The following SNRPD1 variants were observed in gnomAD, a reference collection of about 807,000 sequenced individuals.
The protein encoded by SNRPD1 is small nuclear ribonucleoprotein Sm D1.
SNRPD1 carries 1 observed loss-of-function variant against 14.4 expected under a neutral mutation model. The ratio of observed to expected loss-of-function variants is 0.07; its 90% CI spans 0.02 to 0.33. SNRPD1 has a LOEUF of 0.33. SNRPD1 is among the 10% of genes least tolerant of loss of function. The pLI, the probability that SNRPD1 is intolerant of heterozygous loss-of-function variation, is 1.00. For synonymous variants in SNRPD1, 42 were observed against 50.3 expected, an observed-to-expected ratio of 0.83 and a Z score of 0.70; for missense variants, 52 against 146.4, an observed-to-expected ratio of 0.36 and a Z score of 3.33.
rs1415425301 is a variant in SNRPD1, at chr18:21,632,218, T to C, written c.*3080T>C. ...GCTCATGCCTGTGACCTCAGCACTT[T>C]GGGAGGCCGAGATGGGCGAATCACT... On this transcript the variant is annotated 3_prime_UTR_variant, in exon 4 of 4. Coordinates refer to ENST00000300413, the MANE Select transcript of SNRPD1 (RefSeq NM_006938.4). The C allele has an allele frequency of 1.3e-5, 2 of 152,154 alleles. No homozygotes were observed. The highest frequency in any genetic ancestry group is 2.4e-5 in the African/African-American group (1 of 41,444). 9.4% of individuals were successfully genotyped at this position (152,154 alleles called of 1,614,324 possible).
chr18:21,622,693 A>G, intron 1 of SNRPD1, 32 bp from the exon 2 acceptor site: 2 of 1,000,042 alleles, frequency 2.0e-6, no homozygotes, highest in East Asian at 2.4e-5. Context: ...TTAAAGTGTT[A>G]CAGGTAAAAA....
Position 21,629,231 on chromosome 18 carries a change from G to T in SNRPD1, c.*93G>T. On this transcript the variant is annotated 3_prime_UTR_variant, in exon 4 of 4. Transcript: ENST00000300413. Reference sequence around the variant, plus strand: ...TCAGTTTTTAATAAACATAAATGTGGGACAGAGCTGTCTATTTAGTATATC... The same window carrying T: ...TCAGTTTTTAATAAACATAAATGTGTGACAGAGCTGTCTATTTAGTATATC... 2 of 939,436 alleles carry T rather than the reference G, an allele frequency of 2.1e-6. No homozygotes were observed. Among genetic ancestry groups the T allele is most frequent in the Non-Finnish European group, 3.5e-6 (2 of 572,968 alleles). 58.2% of individuals were successfully genotyped at this position (939,436 alleles called of 1,614,324 possible). A position where few individuals can be genotyped will look rare whatever the true frequency, so the allele number is the denominator to read the frequency against.
At position 21,629,834 on chromosome 18, in the gene SNRPD1, T is replaced by C. The variant is rs1172723213; in HGVS notation, c.*696T>C. 6.6e-6 allele frequency: 1 copy of C among 152,222 alleles called. No individual in the cohort carries two copies. The highest frequency in any genetic ancestry group is 1.5e-5 in the Non-Finnish European group (1 of 68,046). 9.4% of individuals were successfully genotyped at this position (152,222 alleles called of 1,614,324 possible). ...CACATGCACTGAATATGCATTTTAT[T>C]GCTTTACTCTTCATTCTGTGGCACC... On this transcript the variant is annotated 3_prime_UTR_variant, in exon 4 of 4. Transcript: ENST00000300413.
intron 1 of SNRPD1, among the ~76,000 whole-genome samples, chr18:21,618,749 G>C (rs955171659): frequency 1.3e-5 from 2 of 151,970 alleles, no homozygotes; most frequent in African/African-American, 4.8e-5. Context: ...TTTGAGGCTT[G>C]TTATATCCCA....
intron 1 of SNRPD1, among the ~76,000 whole-genome samples, chr18:21,612,733 T>G (rs1407066041): frequency 1.3e-5 from 2 of 152,396 alleles, no homozygotes; most frequent in African/African-American, 2.4e-5. Flanking sequence ...ATCTCCCTCT[T>G]ACAGTTACTC....
rs1457367115 is a variant in SNRPD1 at position 21,630,336 on chromosome 18, A to G, written c.*1198A>G. 1.3e-5 allele frequency: 2 copies of G among 152,318 alleles called. No homozygotes were observed. Among genetic ancestry groups the G allele is most frequent in the Non-Finnish European group, 2.9e-5 (2 of 68,024 alleles). The allele number at this position is 152,318 out of a possible 1,614,324, so 9.4% of individuals were successfully genotyped here. A position where few individuals can be genotyped will look rare whatever the true frequency, so the allele number is the denominator to read the frequency against. ...GTCTCTCAGTGCATCAGTTCTTTGT[A>G]AAGCTTACTACGAAGTATTTATATG... On this transcript the variant is annotated 3_prime_UTR_variant, in exon 4 of 4. Coordinates refer to ENST00000300413, the MANE Select transcript of SNRPD1 (RefSeq NM_006938.4).
chr18:21,612,419 G>A lies in SNRPD1; in HGVS notation c.-11G>A. The A allele has an allele frequency of 6.4e-7, 1 of 1,552,638 alleles. No homozygotes were observed. On this transcript the variant is annotated 5_prime_UTR_variant, in exon 1 of 4. Transcript: ENST00000300413. ...GTGCTGTCGGACCCAGAGGGTGACG[G>A]CGCCGCTAGGATGAAGCTCGTGAGG...
intron 2 of SNRPD1, 42 bp downstream of exon 2, chr18:21,622,843 C>T (rs1214265937): frequency 1.1e-6 from 1 of 948,896 alleles, no homozygotes; most frequent in Non-Finnish European, 1.7e-6. Flanking sequence ...TTTTTCTTCT[C>T]TTTTACCTAG....
At chr18:21,612,782 A>T (rs565647595) in intron 1 of SNRPD1, among the ~76,000 whole-genome samples, 1 of 152,280 alleles carries the variant, frequency 6.6e-6, no homozygotes, top group Admixed American at 6.5e-5. Context: ...CCTGCTTAAC[A>T]GTACTTAGAA....
rs1361552214 is a variant in SNRPD1 at position 21,629,617 on chromosome 18, A to G, written c.*479A>G. Reference sequence around the variant, plus strand: ...AGTTCAGCGTTTGCCTTATTTGAATATGGTTTGAACAGTTCGCTGTCTTTG... The same window carrying G: ...AGTTCAGCGTTTGCCTTATTTGAATGTGGTTTGAACAGTTCGCTGTCTTTG... On this transcript the variant is annotated 3_prime_UTR_variant, in exon 4 of 4. Coordinates refer to ENST00000300413, the MANE Select transcript of SNRPD1 (RefSeq NM_006938.4). 1 of 158,520 alleles carries G rather than the reference A, an allele frequency of 6.3e-6. No individual in the cohort carries two copies. The highest frequency in any genetic ancestry group is 2.4e-5 in the African/African-American group (1 of 41,482). 9.8% of individuals were successfully genotyped at this position (158,520 alleles called of 1,614,324 possible).
chr18:21,626,835 A>T lies in SNRPD1; in HGVS notation c.284-2227A>T, dbSNP rs182425466. Among the ~76,000 whole-genome samples the T allele has an allele frequency of 7.9e-5, 12 of 151,928 alleles. No individual in the cohort carries two copies. The East Asian group carries it at 2.3e-3, about 29-fold the overall frequency. On this transcript the variant is annotated intron_variant, in intron 3 of 3. Coordinates refer to ENST00000300413, the MANE Select transcript of SNRPD1 (RefSeq NM_006938.4). ...TTTGTTGTTTGTTTGGTAAGAGACA[A>T]GATCTCACTGTGTTGCTCAGGCTGC...
chr18:21,624,055 A>G lies in SNRPD1; in HGVS notation c.283+116A>G, dbSNP rs762189476. 4.0e-4 allele frequency: 267 copies of G among 665,946 alleles called. 1 individual carries two copies. Among genetic ancestry groups the G allele is most frequent in the Non-Finnish European group, 1.1e-4 (43 of 389,042 alleles). The allele number at this position is 665,946 out of a possible 1,614,324, so 41.3% of individuals were successfully genotyped here. On this transcript the variant is annotated intron_variant, in intron 3 of 3. Transcript: ENST00000300413. ...GTCTTTGTTGTTTAATATTTCCTATAGTATGTATAGTAATTCTTGGTGTTG... is the reference window on the plus strand; with the variant it reads ...GTCTTTGTTGTTTAATATTTCCTATGGTATGTATAGTAATTCTTGGTGTTG...
At chr18:21,624,853 GGTA>G (rs1265937828) in intron 3 of SNRPD1, among the ~76,000 whole-genome samples, 1 of 151,966 alleles carries the variant, frequency 6.6e-6, no homozygotes, top group Non-Finnish European at 1.5e-5. Flanking sequence ...TTCATAAAAT[GGTA>G]GTAGTGTTTC....
intron 1 of SNRPD1, among the ~76,000 whole-genome samples, chr18:21,618,243 C>A (rs531499009): frequency 7.3e-5 from 11 of 151,442 alleles, no homozygotes; most frequent in Non-Finnish European, 1.2e-4. Context: ...GGCAACATGG[C>A]AAAACCACAT....
At chr18:21,617,214 C>T (rs905501337) in intron 1 of SNRPD1, among the ~76,000 whole-genome samples, 7 of 151,764 alleles carry the variant, frequency 4.6e-5, no homozygotes, top group African/African-American at 1.5e-4. Context: ...CAGCACTTTT[C>T]GGAATCCAAG....
rs955796007 is a variant in SNRPD1 at position 21,631,430 on chromosome 18, T to C, written c.*2292T>C. 2.6e-5 allele frequency: 2 copies of C among 75,998 alleles called. No individual in the cohort carries two copies. The highest frequency in any genetic ancestry group is 4.4e-5 in the Non-Finnish European group (2 of 45,468). 4.7% of individuals were successfully genotyped at this position (75,998 alleles called of 1,614,324 possible). On this transcript the variant is annotated 3_prime_UTR_variant, in exon 4 of 4. Coordinates refer to ENST00000300413, the MANE Select transcript of SNRPD1 (RefSeq NM_006938.4). Reference sequence around the variant, plus strand: ...AATATGTAATTTTTCTCCACACGTTTTTTTTTTTTTTTTTTTTTTTTTTCT... The same window carrying C: ...AATATGTAATTTTTCTCCACACGTTCTTTTTTTTTTTTTTTTTTTTTTTCT...
intron 2 of SNRPD1, among the ~76,000 whole-genome samples, 179 bp from the exon 3 acceptor site, chr18:21,623,569 A>G (rs1342936521): frequency 6.6e-6 from 1 of 152,226 alleles, no homozygotes; most frequent in Non-Finnish European, 1.5e-5. Flanking sequence ...TAGGAAGGAA[A>G]CACTGCTGAC....
At position 21,612,332 on chromosome 18, in the gene SNRPD1, T is replaced by G. The variant is rs978701212; in HGVS notation, c.-98T>G. ...GCGCGCTCTTGACGTCCGGAGCCCC[T>G]GGAGTAGGCGCTTCCGGCCATTCAT... On this transcript the variant is annotated 5_prime_UTR_variant, in exon 1 of 4. Coordinates refer to ENST00000300413, the MANE Select transcript of SNRPD1 (RefSeq NM_006938.4). The G allele has an allele frequency of 6.7e-6, 6 of 898,148 alleles. No individual in the cohort carries two copies. Among genetic ancestry groups the G allele is most frequent in the Non-Finnish European group, 9.9e-6 (6 of 608,272 alleles). The allele number at this position is 898,148 out of a possible 1,614,324, so 55.6% of individuals were successfully genotyped here. A position where few individuals can be genotyped will look rare whatever the true frequency, so the allele number is the denominator to read the frequency against.
Position 21,631,398 on chromosome 18 carries a change from T to TA in SNRPD1, c.*2261dup, listed in dbSNP as rs1036405312. On this transcript the variant is annotated 3_prime_UTR_variant, in exon 4 of 4. Coordinates refer to ENST00000300413, the MANE Select transcript of SNRPD1 (RefSeq NM_006938.4). ...TTAAAGGTGAGTTGGCTTGACAAGA[T>TA]ACAACCAATATGTAATTTTTCTCCA... 7.0e-5 allele frequency: 10 copies of TA among 143,776 alleles called. No homozygotes were observed. Among genetic ancestry groups the TA allele is most frequent in the African/African-American group, 2.3e-4 (9 of 38,722 alleles). The allele number at this position is 143,776 out of a possible 1,614,324, so 8.9% of individuals were successfully genotyped here.
Sources: allele counts gnomAD v4.1 joint callset (sites outside exome capture counted in the v4.1 genomes callset), GRCh38; gene constraint gnomAD v4.1.1; transcripts MANE v1.5; gene names NCBI Gene and HGNC (gene_info 2026-07-23, HGNC 2026-07-21).